MRTFA: variants seen among roughly 807,000 people sequenced by gnomAD.
MRTFA encodes myocardin-related transcription factor A.
Under a neutral mutation model 83.5 loss-of-function variants are expected in MRTFA, and 20 were observed. The ratio of observed to expected loss-of-function variants is 0.24; its 90% CI spans 0.17 to 0.35. The LOEUF is 0.35. MRTFA is among the 10% of genes least tolerant of loss of function. The probability of loss-of-function intolerance (pLI) is 1.00; values close to 1 mark genes in which losing one functional copy is unlikely to be tolerated. For synonymous variants in MRTFA, 659 were observed against 541.2 expected (o/e 1.22, Z -3.02); for missense variants, 1,200 against 1,224.7 (o/e 0.98, Z 0.30).
chr22:40,536,995 C>G (rs1343906529), intron 3 of MRTFA, among the ~76,000 whole-genome samples: 1 of 80,784 alleles, frequency 1.2e-5, no homozygotes, highest in Admixed American at 1.4e-4. Flanking sequence ...CGGCAGCCAC[C>G]CCGTCCGGGA....
chr22:40,459,822 C>CATATATAT (rs1284924516), intron 4 of MRTFA, among the ~76,000 whole-genome samples: 35 of 68,198 alleles, frequency 5.1e-4, no homozygotes, highest in African/African-American at 1.4e-3. Context: ...CACACACACA[C>CATATATAT]ATATATACAT....
At position 40,420,137 on chromosome 22, in the gene MRTFA, G is replaced by A. The variant is rs117518948; in HGVS notation, c.1353+268C>T. Among the ~76,000 whole-genome samples, 331 of 152,278 alleles carry A rather than the reference G, an allele frequency of 2.2e-3. 4 individuals carry two copies. In the East Asian group the frequency reaches 0.026, roughly 12 times the overall value. On this transcript the variant is annotated intron_variant, in intron 11 of 14. Coordinates refer to ENST00000355630, the MANE Select transcript of MRTFA (RefSeq NM_020831.6). ...AAGTCGAGGAAGATAAGAGACATGC[G>A]ACTGCCTGGACAGATGCTGGCTGTG...
chr22:40,505,236 A>T (rs2054561488), intron 3 of MRTFA, among the ~76,000 whole-genome samples: 1 of 152,246 alleles, frequency 6.6e-6, no homozygotes, highest in Non-Finnish European at 1.5e-5. Flanking sequence ...TAACGATAAC[A>T]TCTAGACTGT....
chr22:40,509,047 G>A (rs2054626965), intron 3 of MRTFA, among the ~76,000 whole-genome samples: 1 of 152,118 alleles, frequency 6.6e-6, no homozygotes, highest in Non-Finnish European at 1.5e-5. Context: ...ATTTAGTACT[G>A]AGTAATTATT....
In MRTFA at chr22:40,419,087, G is replaced by A. The variant is rs752603698; in HGVS notation, c.1651C>T (p.Pro551Ser). Reference sequence around the variant, plus strand: ...TCCGAGGGGGTGGGAGACACGGGGGGCGTGGAGCCCGTGCTGCCAAACTTC... The same window carrying A: ...TCCGAGGGGGTGGGAGACACGGGGGACGTGGAGCCCGTGCTGCCAAACTTC... Residue 551 changes from proline (P) to serine (S), a missense_variant, in exon 12 of 15, where the codon CCC becomes TCC. Pro to Ser is a moderately conservative substitution (Grantham distance 74). Around this residue, in one of 2 missense-constraint regions of MRTFA, gnomAD observed 1,107 missense variants for 1,041.8 expected, o/e 1.06. Coordinates refer to ENST00000355630, the MANE Select transcript of MRTFA (RefSeq NM_020831.6). 104 of 1,603,322 alleles carry A rather than the reference G, an allele frequency of 6.5e-5. No homozygotes were observed. Among genetic ancestry groups the A allele is most frequent in the Admixed American group, 1.4e-4 (8 of 58,748 alleles).
At chr22:40,633,080 T>G (rs1015592983) in intron 1 of MRTFA, among the ~76,000 whole-genome samples, 1 of 152,220 alleles carries the variant, frequency 6.6e-6, no homozygotes, top group African/African-American at 2.4e-5. Flanking sequence ...CTATACCACT[T>G]CATCCATAAC....
rs2052687049 is a variant in MRTFA at position 40,416,704 on chromosome 22, C to G, written c.2578+282G>C. Reference sequence around the variant, plus strand: ...GCTTATTTCTTATATTTGTTGTCCACCTCCCCAGGCTGCACTGTGAGCTCC... The same window carrying G: ...GCTTATTTCTTATATTTGTTGTCCAGCTCCCCAGGCTGCACTGTGAGCTCC... On this transcript the variant is annotated intron_variant, in intron 14 of 14. Coordinates refer to ENST00000355630, the MANE Select transcript of MRTFA (RefSeq NM_020831.6). The surrounding 1 kb of genome is among the most constrained non-coding windows in gnomAD (Gnocchi z 4.2). Among the ~76,000 whole-genome samples, 1 of 152,240 alleles carries G rather than the reference C, an allele frequency of 6.6e-6. No individual in the cohort carries two copies. Among genetic ancestry groups the G allele is most frequent in the Non-Finnish European group, 1.5e-5 (1 of 68,040 alleles).
At chr22:40,608,035 T>C (rs2056338965) in intron 1 of MRTFA, among the ~76,000 whole-genome samples, 1 of 152,184 alleles carries the variant, frequency 6.6e-6, no homozygotes, top group Admixed American at 6.5e-5. Flanking sequence ...CTTTTTGTTT[T>C]TTTCTTTGAG....
At chr22:40,525,075 G>T (rs1413934868) in intron 3 of MRTFA, among the ~76,000 whole-genome samples, 2 of 152,122 alleles carry the variant, frequency 1.3e-5, no homozygotes, top group African/African-American at 2.4e-5. Context: ...CTCCCAAAAT[G>T]CTGGGATTAC....
chr22:40,477,784 G>C (rs1044599649), intron 3 of MRTFA, among the ~76,000 whole-genome samples: 1 of 151,280 alleles, frequency 6.6e-6, no homozygotes, highest in African/African-American at 2.4e-5. Context: ...GGGATGCGGA[G>C]AGATGAAAGG....
At chr22:40,424,422 G>C (rs756001879) in intron 7 of MRTFA, 41 bp from the exon 8 acceptor site, 17 of 1,600,948 alleles carry the variant, frequency 1.1e-5, no homozygotes, top group Non-Finnish European at 1.4e-5. Flanking sequence ...TTCCAGCCCA[G>C]GGAACAGATG....
intron 2 of MRTFA, among the ~76,000 whole-genome samples, chr22:40,577,512 G>A (rs899556156): frequency 4.6e-5 from 7 of 151,732 alleles, no homozygotes; most frequent in African/African-American, 7.3e-5. Context: ...ACTTCTAAAC[G>A]TCTCTGGGGC....
intron 2 of MRTFA, among the ~76,000 whole-genome samples, chr22:40,570,626 T>C (rs1397864662): frequency 6.7e-6 from 1 of 150,234 alleles, no homozygotes; most frequent in African/African-American, 2.5e-5. Flanking sequence ...CATTATTCTT[T>C]AGGCACTTCT....
intron 2 of MRTFA, among the ~76,000 whole-genome samples, chr22:40,577,227 C>A (rs915461330): frequency 1.5e-5 from 2 of 132,280 alleles, no homozygotes; most frequent in African/African-American, 2.9e-5. Context: ...CAGAGTAAGA[C>A]CCTTGTCTAA....
At chr22:40,578,821 G>A (rs927543135) in intron 2 of MRTFA, among the ~76,000 whole-genome samples, 2 of 152,174 alleles carry the variant, frequency 1.3e-5, no homozygotes, top group African/African-American at 4.8e-5. Context: ...TACTAGAGAG[G>A]CTGAGATGGG....
At chr22:40,419,623 G>T (rs2052782601) in intron 11 of MRTFA, among the ~76,000 whole-genome samples, 1 of 152,228 alleles carries the variant, frequency 6.6e-6, no homozygotes, top group Non-Finnish European at 1.5e-5. Context: ...GGCAACGGGG[G>T]CTGGTACATG....
At chr22:40,464,323 A>AC (rs1458299381) in intron 3 of MRTFA, among the ~76,000 whole-genome samples, 2 of 150,806 alleles carry the variant, frequency 1.3e-5, no homozygotes, top group Non-Finnish European at 3.0e-5. Context: ...AAAAAAAAAA[A>AC]AAAAAAAAAC....
At chr22:40,518,356 T>A (rs1177042897) in intron 3 of MRTFA, among the ~76,000 whole-genome samples, 2 of 151,740 alleles carry the variant, frequency 1.3e-5, no homozygotes, top group African/African-American at 4.8e-5. Flanking sequence ...GGAATTAATG[T>A]CATAATTGAG....
intron 1 of MRTFA, among the ~76,000 whole-genome samples, chr22:40,614,057 C>A (rs2056418914): frequency 6.6e-6 from 1 of 151,744 alleles, no homozygotes; most frequent in African/African-American, 2.4e-5. Context: ...AAAAAATTAG[C>A]CGGGCATGGT....
Sources: gnomAD v4.1 joint callset for allele counts (sites outside exome capture counted in the v4.1 genomes callset) on GRCh38, gnomAD v4.1.1 for gene constraint, gnomAD v4.1.1 regional missense constraint, Gnocchi (gnomAD v3.1) non-coding constraint, MANE v1.5 for transcripts, NCBI Gene and HGNC (gene_info 2026-07-23, HGNC 2026-07-21) for gene names.